Variants in DCLK1 observed in about 807,000 individuals in gnomAD.
The protein encoded by DCLK1 is serine/threonine-protein kinase DCLK1.
A neutral mutation model predicts 86.2 loss-of-function variants in DCLK1; 16 were observed. The ratio of observed to expected loss-of-function variants is 0.19; its 90% confidence interval spans 0.13 to 0.28. The LOEUF is 0.28. Among genes scored for constraint, DCLK1 ranks in the 10% least tolerant of loss-of-function variants. DCLK1 has a pLI of 1.00. For synonymous variants in DCLK1, 369 were observed against 370.5 expected (o/e 1.00, Z 0.05); for missense variants, 590 against 940.2 (o/e 0.63, Z 4.87).
At chr13:35,864,186 G>T (rs900013974) in intron 5 of DCLK1, among the ~76,000 whole-genome samples, 26 of 152,324 alleles carry the variant, frequency 1.7e-4, no homozygotes, top group African/African-American at 5.8e-4. Flanking sequence ...ATTGAAAGGT[G>T]TGAGGCACTC....
At position 35,990,347 on chromosome 13, in the gene DCLK1, T is replaced by G. The variant is rs118175674; in HGVS notation, c.724-42890A>C. Among the ~76,000 whole-genome samples the G allele has an allele frequency of 3.5e-3, 532 of 152,312 alleles. 2 individuals are homozygous for G. The highest frequency in any genetic ancestry group is 0.014 in the Middle Eastern group (4 of 294). The stretch of plus-strand genomic sequence containing the variant: ...AGCATCCTGCAAGAATCCTCCACCT[T>G]GCCCAGGCCTTTGAAGCACATCCTT... On this transcript the variant is annotated intron_variant, in intron 3 of 16. Transcript: ENST00000360631.
intron 3 of DCLK1, among the ~76,000 whole-genome samples, chr13:36,013,278 C>T (rs9593675): frequency 0.065 from 9,854 of 151,822 alleles, 502 homozygotes; most frequent in African/African-American, 0.15. Context: ...TGAGGAACTG[C>T]GTTCCTTTGG....
intron 3 of DCLK1, among the ~76,000 whole-genome samples, chr13:36,089,709 T>A (rs528489970): frequency 6.6e-6 from 1 of 152,356 alleles, no homozygotes; most frequent in South Asian, 2.1e-4. Context: ...GAATCTTGCC[T>A]CACACCAATA....
At chr13:35,873,476 C>G (rs1371334887) in intron 4 of DCLK1, among the ~76,000 whole-genome samples, 1 of 151,830 alleles carries the variant, frequency 6.6e-6, no homozygotes, top group Admixed American at 6.6e-5. Flanking sequence ...CCTCCACCTC[C>G]CGAGTTCAAG....
In DCLK1 at chr13:35,864,421, C is replaced by T. The variant is rs1228498541; in HGVS notation, c.940+6803G>A. 1.7e-5 allele frequency among the ~76,000 whole-genome samples: 2 copies of T among 120,360 alleles called. 1 individual carries two copies. The highest frequency in any genetic ancestry group is 3.4e-5 in the Non-Finnish European group (2 of 59,290). The allele number at this position is 120,360 out of a possible 152,430, so 79.0% of individuals were successfully genotyped here. A position where few individuals can be genotyped will look rare whatever the true frequency, so the allele number is the denominator to read the frequency against. On this transcript the variant is annotated intron_variant, in intron 5 of 16. Coordinates refer to ENST00000360631, the MANE Select transcript of DCLK1 (RefSeq NM_001330071.2). ...TCTACTAAAAATACAAAAAATTAGCCGGGCGTAGTGGCGGGCGCCTGTAGT... is the reference window on the plus strand; with the variant it reads ...TCTACTAAAAATACAAAAAATTAGCTGGGCGTAGTGGCGGGCGCCTGTAGT...
intron 3 of DCLK1, among the ~76,000 whole-genome samples, chr13:35,950,288 G>A (rs1877597012): frequency 6.6e-6 from 1 of 152,114 alleles, no homozygotes; most frequent in Non-Finnish European, 1.5e-5. Flanking sequence ...TTATCCACGC[G>A]CTCATGCATT....
intron 6 of DCLK1, among the ~76,000 whole-genome samples, chr13:35,844,570 G>A (rs1870041313): frequency 6.6e-6 from 1 of 152,192 alleles, no homozygotes. Context: ...ATCGTAGTTT[G>A]GAAGCAGCCC....
At chr13:35,909,201 A>C (rs965239576) in intron 4 of DCLK1, among the ~76,000 whole-genome samples, 1 of 152,358 alleles carries the variant, frequency 6.6e-6, no homozygotes, top group Admixed American at 6.5e-5. Flanking sequence ...AGGTGGGGCC[A>C]CATGGCTGCT....
At chr13:35,859,142 G>T (rs562037975) in intron 5 of DCLK1, among the ~76,000 whole-genome samples, 1 of 152,168 alleles carries the variant, frequency 6.6e-6, no homozygotes, top group East Asian at 1.9e-4. Context: ...TTTTTCAGAG[G>T]CCCTTATTAC....
chr13:35,886,494 C>A (rs1456787063), intron 4 of DCLK1, among the ~76,000 whole-genome samples: 1 of 151,932 alleles, frequency 6.6e-6, no homozygotes, highest in Non-Finnish European at 1.5e-5. Flanking sequence ...AGAAAAAGCT[C>A]CCCCCGATGT....
intron 4 of DCLK1, among the ~76,000 whole-genome samples, chr13:35,920,831 C>T (rs1280569348): frequency 2.0e-5 from 3 of 152,070 alleles, no homozygotes; most frequent in Non-Finnish European, 4.4e-5. Flanking sequence ...ATTGCTTCTC[C>T]CTGTCACCAC....
chr13:35,796,769 G>A (rs1010084741), intron 15 of DCLK1, among the ~76,000 whole-genome samples: 1 of 152,164 alleles, frequency 6.6e-6, no homozygotes, highest in Non-Finnish European at 1.5e-5. Context: ...TCACTAGCAT[G>A]GCATCAGCTA....
At chr13:36,111,306 C>A (rs1000437123) in intron 3 of DCLK1, among the ~76,000 whole-genome samples, 2 of 152,138 alleles carry the variant, frequency 1.3e-5, no homozygotes, top group African/African-American at 4.8e-5. Flanking sequence ...TGAAAAACCT[C>A]CCTTTCATTT....
At chr13:36,117,962 C>G (rs772917560) in intron 2 of DCLK1, among the ~76,000 whole-genome samples, 23 of 151,886 alleles carry the variant, frequency 1.5e-4, no homozygotes, top group Admixed American at 3.3e-4. Flanking sequence ...GCCTTGGAAG[C>G]AAGGGTAAGA....
Position 35,842,369 on chromosome 13 carries a change from C to T in DCLK1, c.1036-3193G>A, listed in dbSNP as rs566723488. ...CAGGTCTAATCCACTTTTCACATGACAGTGCTTTTAGGTGTTTGAAAATAG... is the reference window on the plus strand; with the variant it reads ...CAGGTCTAATCCACTTTTCACATGATAGTGCTTTTAGGTGTTTGAAAATAG... On this transcript the variant is annotated intron_variant, in intron 6 of 16. Coordinates refer to ENST00000360631, the MANE Select transcript of DCLK1 (RefSeq NM_001330071.2). 4.0e-4 allele frequency among the ~76,000 whole-genome samples: 61 copies of T among 150,742 alleles called. 1 individual carries two copies. The highest frequency in any genetic ancestry group is 5.9e-5 in the Non-Finnish European group (4 of 67,832).
Position 36,125,884 on chromosome 13 carries a change from T to G in DCLK1, c.254A>C (p.Glu85Ala). The change falls in exon 2 of 17, where the codon GAG becomes GCG. Residue 85 changes from glutamate (E) to alanine (A), a missense_variant. Coordinates refer to ENST00000360631, the MANE Select transcript of DCLK1 (RefSeq NM_001330071.2). ...AISPDRFRSF[E>A]ALLADLTRTL... is the part of the protein sequence containing the mutation. ...TCGGGTCAAATCAGCCAGCAGGGCC[T>G]CAAAAGATCGGAACCGGTCTGGGGA... is the stretch of plus-strand genomic sequence containing the variant. 1 of 1,614,194 alleles carries G rather than the reference T, an allele frequency of 6.2e-7. No homozygotes were observed. Among genetic ancestry groups the G allele is most frequent in the South Asian group, 1.1e-5 (1 of 91,082 alleles).
intron 4 of DCLK1, among the ~76,000 whole-genome samples, chr13:35,941,612 C>T (rs1877090289): frequency 6.6e-6 from 1 of 152,174 alleles, no homozygotes; most frequent in Admixed American, 6.5e-5. Context: ...CACGCACACA[C>T]ACACGCACAC....
chr13:35,991,125 T>A lies in DCLK1; in HGVS notation c.724-43668A>T, dbSNP rs551486497. Among the ~76,000 whole-genome samples the A allele has an allele frequency of 1.6e-4, 25 of 152,190 alleles. No homozygotes were observed. The South Asian group carries it at 5.2e-3, about 32-fold the overall frequency. Reference sequence around the variant, plus strand: ...ACCTCCCCTTCTCCCATGAAGCAGGTCATAAGACCCTCATGGGAGAGGTAC... The same window carrying A: ...ACCTCCCCTTCTCCCATGAAGCAGGACATAAGACCCTCATGGGAGAGGTAC... On this transcript the variant is annotated intron_variant, in intron 3 of 16. Coordinates refer to ENST00000360631, the MANE Select transcript of DCLK1 (RefSeq NM_001330071.2).
intron 3 of DCLK1, among the ~76,000 whole-genome samples, chr13:36,092,483 CTTTTTTTTTT>C (rs71084405): frequency 1.2e-5 from 1 of 84,944 alleles, no homozygotes; most frequent in African/African-American, 4.2e-5. Flanking sequence ...GAGGCGTTTT[CTTTTTTTTTT>C]TTTTTTTTTT....
Sources: gnomAD v4.1 joint callset for allele counts (sites outside exome capture counted in the v4.1 genomes callset) on GRCh38, gnomAD v4.1.1 for gene constraint, MANE v1.5 for transcripts, NCBI Gene and HGNC (gene_info 2026-07-23, HGNC 2026-07-21) for gene names.